ATP8A2: variants seen among roughly 807,000 people sequenced by gnomAD.
ATP8A2 encodes ATPase phospholipid transporting 8A2.
ATP8A2 carries 100 observed loss-of-function variants against 165.6 expected under a neutral mutation model. That is an observed-to-expected ratio of 0.60 (90% CI 0.51 to 0.71). ATP8A2 has a LOEUF of 0.71. Among genes scored for constraint, ATP8A2 ranks in the 30% least tolerant of loss-of-function variants. ATP8A2 has a pLI of 0.00. For missense variants in ATP8A2, 1,227 were observed against 1,479.5 expected, an observed-to-expected ratio of 0.83 and a Z score of 2.80; for synonymous variants, 543 against 548.8, an observed-to-expected ratio of 0.99 and a Z score of 0.15.
At chr13:25,506,027 G>C (rs2037026080) in intron 2 of ATP8A2, among the ~76,000 whole-genome samples, 1 of 152,184 alleles carries the variant, frequency 6.6e-6, no homozygotes, top group South Asian at 2.1e-4. Flanking sequence ...CCAGCTTTCT[G>C]TGTTCCCGAC....
intron 1 of ATP8A2, among the ~76,000 whole-genome samples, chr13:25,383,869 G>A (rs1429545368): frequency 1.3e-5 from 2 of 152,030 alleles, no homozygotes; most frequent in East Asian, 3.9e-4. Context: ...TTTCTCCCTT[G>A]TCACAGTCAT....
intron 24 of ATP8A2, chr13:25,648,942 C>T (rs1309035213): frequency 2.2e-6 from 1 of 453,006 alleles, no homozygotes; most frequent in Non-Finnish European, 4.4e-6. Context: ...TGTATTCTTG[C>T]AGTTCATGGA....
At chr13:25,408,006 C>A (rs1199503584) in intron 1 of ATP8A2, among the ~76,000 whole-genome samples, 5 of 152,102 alleles carry the variant, frequency 3.3e-5, no homozygotes, top group Admixed American at 6.6e-5. Context: ...GTGCAGCAAA[C>A]CACCATGGCA....
At chr13:25,895,593 G>A (rs1317323469) in intron 33 of ATP8A2, among the ~76,000 whole-genome samples, 3 of 152,076 alleles carry the variant, frequency 2.0e-5, no homozygotes, top group Admixed American at 2.0e-4. Context: ...GATTGGAATA[G>A]TTTCAGAAGG....
At chr13:25,523,676 TG>T (rs1280284643) in intron 2 of ATP8A2, among the ~76,000 whole-genome samples, 1 of 152,182 alleles carries the variant, frequency 6.6e-6, no homozygotes, top group Non-Finnish European at 1.5e-5. Flanking sequence ...TAGTCTCTAA[TG>T]ATTTTTTTTG....
In ATP8A2 at chr13:25,372,066, C is replaced by G; in HGVS notation, c.-147C>G. 1 of 417,618 alleles carries G rather than the reference C, an allele frequency of 2.4e-6. No homozygotes were observed. The allele number at this position is 417,618 out of a possible 1,614,324, so 25.9% of individuals were successfully genotyped here. A position where few individuals can be genotyped will look rare whatever the true frequency, so the allele number is the denominator to read the frequency against. ...CGGACGGCGCAGCCTCGGGCGCGGC[C>G]CGGCACAGGCGCCGGCGGTCCCCGC... On this transcript the variant is annotated 5_prime_UTR_variant, in exon 1 of 37. Transcript: ENST00000381655. The surrounding 1 kb of genome is among the most constrained non-coding windows in gnomAD (Gnocchi z 4.8).
At chr13:25,878,761 A>G (rs993342255) in intron 33 of ATP8A2, among the ~76,000 whole-genome samples, 17 of 151,852 alleles carry the variant, frequency 1.1e-4, no homozygotes, top group African/African-American at 2.9e-4. Context: ...CAGGCTCTCA[A>G]CTCTCTGAAG....
chr13:25,521,895 T>G (rs1210310712), intron 2 of ATP8A2, among the ~76,000 whole-genome samples: 3 of 152,226 alleles, frequency 2.0e-5, no homozygotes, highest in Non-Finnish European at 4.4e-5. Context: ...TGTTTTGAAG[T>G]CAGGTAGTGT....
chr13:25,717,460 C>T (rs1251025534), intron 25 of ATP8A2, among the ~76,000 whole-genome samples: 1 of 150,322 alleles, frequency 6.7e-6, no homozygotes, highest in Admixed American at 6.6e-5. Flanking sequence ...ACTACCACTA[C>T]CAGCAGCAGC....
chr13:26,014,544 G>A (rs1484841731), intron 36 of ATP8A2, among the ~76,000 whole-genome samples: 4 of 152,066 alleles, frequency 2.6e-5, no homozygotes, highest in Admixed American at 6.5e-5. Context: ...GCTACTTTTC[G>A]AGAGGCCTGT....
chr13:25,639,758 AGAC>A (rs1481034030), intron 24 of ATP8A2, among the ~76,000 whole-genome samples: 1 of 152,174 alleles, frequency 6.6e-6, no homozygotes, highest in Non-Finnish European at 1.5e-5. Context: ...TGGACTTAAT[AGAC>A]ATCTACAGAA....
intron 4 of ATP8A2, among the ~76,000 whole-genome samples, chr13:25,531,494 T>G (rs1307573241): frequency 6.7e-6 from 1 of 148,630 alleles, no homozygotes; most frequent in Admixed American, 6.9e-5. Context: ...GCATGTGCTG[T>G]CTCTCTGTCT....
In ATP8A2 at chr13:25,969,209, C is replaced by T. The variant is rs567252350; in HGVS notation, c.3377+530C>T. On this transcript the variant is annotated intron_variant, in intron 35 of 36. Coordinates refer to ENST00000381655, the MANE Select transcript of ATP8A2 (RefSeq NM_016529.6). ...ATCGTGTGAACTCCTGGAACAGACA[C>T]TGCCGCTTGCTCTCCTAATTCCTCC... Among the ~76,000 whole-genome samples the T allele has an allele frequency of 9.2e-5, 14 of 152,338 alleles. No homozygotes were observed. The East Asian group carries it at 2.7e-3, about 29-fold the overall frequency.
chr13:25,539,808 G>A (rs112534368), intron 7 of ATP8A2, among the ~76,000 whole-genome samples: 308 of 152,278 alleles, frequency 2.0e-3, no homozygotes, highest in Non-Finnish European at 3.5e-3. Flanking sequence ...AATGCTAGGT[G>A]TTTTGATTAA....
At chr13:25,905,622 C>T (rs894351044) in intron 33 of ATP8A2, among the ~76,000 whole-genome samples, 2 of 152,184 alleles carry the variant, frequency 1.3e-5, no homozygotes, top group African/African-American at 2.4e-5. Flanking sequence ...CTCTGCAGGC[C>T]GCTGCCATCT....
chr13:25,732,401 C>G (rs1593264557), intron 25 of ATP8A2, among the ~76,000 whole-genome samples: 2 of 152,236 alleles, frequency 1.3e-5, no homozygotes, highest in Admixed American at 6.5e-5. Context: ...TGGTGATATT[C>G]GAGGTAGTGG....
At chr13:25,489,148 G>A (rs902591785) in intron 2 of ATP8A2, among the ~76,000 whole-genome samples, 1 of 152,038 alleles carries the variant, frequency 6.6e-6, no homozygotes, top group Non-Finnish European at 1.5e-5. Flanking sequence ...TTCTAAAACA[G>A]CCAAGGCACT....
intron 6 of ATP8A2, among the ~76,000 whole-genome samples, chr13:25,536,249 C>A (rs1336578171): frequency 6.6e-6 from 1 of 151,366 alleles, no homozygotes; most frequent in East Asian, 1.9e-4. Flanking sequence ...GTAGCTGGGA[C>A]TACAGGTGCC....
intron 2 of ATP8A2, among the ~76,000 whole-genome samples, chr13:25,508,976 G>C (rs2037136836): frequency 6.6e-6 from 1 of 152,220 alleles, no homozygotes; most frequent in African/African-American, 2.4e-5. Context: ...AGTTGAGTTA[G>C]AAATAACATT....
Sources: allele counts gnomAD v4.1 joint callset (sites outside exome capture counted in the v4.1 genomes callset), GRCh38; gene constraint gnomAD v4.1.1; non-coding constraint Gnocchi (gnomAD v3.1); transcripts MANE v1.5; gene names NCBI Gene and HGNC (gene_info 2026-07-23, HGNC 2026-07-21).